CTSD: variants seen among roughly 807,000 people sequenced by gnomAD.
The protein encoded by CTSD is cathepsin D, also known as ceroid-lipofuscinosis, neuronal 10.
CTSD carries 28 observed loss-of-function variants against 43.6 expected under a neutral mutation model. The observed-to-expected ratio is 0.64, with a 90% CI of 0.48 to 0.88. The LOEUF is 0.88. CTSD is among the 40% of genes least tolerant of loss of function. The pLI is 0.00. For missense variants in CTSD, 485 were observed against 555.2 expected (o/e 0.87, Z 1.27); for synonymous variants, 270 against 249.8 (o/e 1.08, Z -0.76).
chr11:1,761,607 G>A, intron 1 of CTSD, 139 bp from the exon 2 acceptor site: 1 of 911,324 alleles, frequency 1.1e-6, no homozygotes, highest in Non-Finnish European at 1.7e-6. Flanking sequence ...CCTGTCACCT[G>A]GAAACTGCTG....
chr11:1,759,596 C>T lies in CTSD; in HGVS notation c.272G>A (p.Cys91Tyr). ...GEIGIGTPPQ[C>Y]FTVVFDTGSS... is the part of the protein sequence containing the mutation. The stretch of plus-strand genomic sequence containing the variant: ...GCCCGTGTCGAAGACGACTGTGAAG[C>T]ACTGGGGGGGCGTCCCGATGCCAAT... Residue 91 changes from cysteine (C) to tyrosine (Y), a missense_variant, in exon 3 of 9, where the codon TGC (cysteine) becomes TAC (tyrosine). Coordinates refer to ENST00000236671, the MANE Select transcript of CTSD (RefSeq NM_001909.5). 1 of 1,613,548 alleles carries T rather than the reference C, an allele frequency of 6.2e-7. No homozygotes were observed. Among genetic ancestry groups the T allele is most frequent in the Non-Finnish European group, 8.5e-7 (1 of 1,179,980 alleles).
intron 6 of CTSD, 53 bp from the exon 7 acceptor site, chr11:1,754,191 G>GGCCCAGTGCCCCTCCCTGGGA (rs1331604533): frequency 6.3e-7 from 1 of 1,580,322 alleles, no homozygotes; most frequent in Non-Finnish European, 8.6e-7. Context: ...GTGCCCTGGG[G>GGCCCAGTGCCCCTCCCTGGGA]GCCCAGTGCC....
chr11:1,754,516 A>AGGGATGGAG (rs1383187581), intron 6 of CTSD, among the ~76,000 whole-genome samples: 5 of 32,636 alleles, frequency 1.5e-4, no homozygotes, highest in African/African-American at 5.3e-4. Flanking sequence ...GGAGGGATGG[A>AGGGATGGAG]GGGATGGAGG....
chr11:1,763,613 G>C, intron 1 of CTSD, 179 bp downstream of exon 1: 1 of 560,496 alleles, frequency 1.8e-6, no homozygotes, highest in East Asian at 3.5e-5. Flanking sequence ...CCGGAGCCCG[G>C]CGCCCCGTAG....
intron 4 of CTSD, chr11:1,757,927 G>A (rs891747783): frequency 1.2e-5 from 4 of 341,882 alleles, no homozygotes; most frequent in Middle Eastern, 9.6e-4. Context: ...CCAGGAGCCC[G>A]AGAGATGGGG....
Position 1,753,028 on chromosome 11 carries a change from G to A in CTSD, c.*475C>T. On this transcript the variant is annotated 3_prime_UTR_variant, in exon 9 of 9. Coordinates refer to ENST00000236671, the MANE Select transcript of CTSD (RefSeq NM_001909.5). The stretch of plus-strand genomic sequence containing the variant: ...CTCAACGGGCCCGGGACACTGAACA[G>A]GTAGGGTGGCAGAGCCCAGCTGGGC... 3.5e-6 allele frequency: 1 copy of A among 282,798 alleles called. No homozygotes were observed. The highest frequency in any genetic ancestry group is 7.0e-6 in the Non-Finnish European group (1 of 143,270). The allele number at this position is 282,798 out of a possible 1,614,324, so 17.5% of individuals were successfully genotyped here.
chr11:1,757,383 G>C lies in CTSD; in HGVS notation c.645C>G (p.Phe215Leu). The change falls in exon 5 of 9, where the codon TTC (phenylalanine) becomes TTG (leucine). Residue 215 changes from phenylalanine (F) to leucine (L), a missense_variant. By Grantham distance (22) the Phe-to-Leu change is conservative. Coordinates refer to ENST00000236671, the MANE Select transcript of CTSD (RefSeq NM_001909.5). ...RISVNNVLPV[F>L]DNLMQQKLVD... ...CCAGCTTCTGCTGCATCAGGTTGTC[G>C]AAGACGGGCAGCACGTTGTTGACGG... 6.2e-7 allele frequency: 1 copy of C among 1,614,184 alleles called. No individual in the cohort carries two copies. The highest frequency in any genetic ancestry group is 8.5e-7 in the Non-Finnish European group (1 of 1,180,042).
chr11:1,753,149 G>A lies in CTSD; in HGVS notation c.*354C>T, dbSNP rs556470768. 122 of 366,590 alleles carry A rather than the reference G, an allele frequency of 3.3e-4. No homozygotes were observed. The highest frequency in any genetic ancestry group is 5.8e-5 in the Non-Finnish European group (11 of 190,008). 22.7% of individuals were successfully genotyped at this position (366,590 alleles called of 1,614,324 possible). ...GGGGTAGGGGCTCAGCCCAGCGGGC[G>A]CTGGTAGGGCCGGGGAGGGGACTCC... On this transcript the variant is annotated 3_prime_UTR_variant, in exon 9 of 9. Transcript: ENST00000236671.
chr11:1,760,675 A>G, intron 2 of CTSD: 1 of 156,496 alleles, frequency 6.4e-6, no homozygotes, highest in Non-Finnish European at 1.4e-5. Flanking sequence ...CCCCTGGCCC[A>G]GTCACATGCC....
intron 4 of CTSD, among the ~76,000 whole-genome samples, chr11:1,758,569 G>A (rs1845836860): frequency 6.6e-6 from 1 of 152,068 alleles, no homozygotes; most frequent in South Asian, 2.1e-4. Context: ...CCCCACAGCG[G>A]GTTCCTGGTA....
At chr11:1,753,695 C>CCCA (rs778619975) in intron 8 of CTSD, 25 bp from the exon 9 acceptor site, 1 of 1,612,054 alleles carries the variant, frequency 6.2e-7, no homozygotes, top group Admixed American at 1.7e-5. Context: ...GTGGTCAGTA[C>CCCA]CCAGGCCTAG....
At chr11:1,756,573 C>T (rs545488000) in intron 5 of CTSD, among the ~76,000 whole-genome samples, 1 of 152,330 alleles carries the variant, frequency 6.6e-6, no homozygotes, top group Non-Finnish European at 1.5e-5. Context: ...GGGCAGGAGG[C>T]CGCCGGCTGA....
intron 1 of CTSD, chr11:1,762,037 A>C: frequency 5.6e-6 from 1 of 179,884 alleles, no homozygotes; most frequent in Non-Finnish European, 1.2e-5. Flanking sequence ...CCTCCACACC[A>C]CCTCCAGAAG....
chr11:1,762,560 G>A (rs1454637383), intron 1 of CTSD: 1 of 152,280 alleles, frequency 6.6e-6, no homozygotes, highest in Non-Finnish European at 1.5e-5. Context: ...CTAAGAGCTG[G>A]TGGGCTGGAA....
intron 2 of CTSD, among the ~76,000 whole-genome samples, chr11:1,760,103 T>A (rs1845857187): frequency 6.6e-6 from 1 of 152,158 alleles, no homozygotes; most frequent in African/African-American, 2.4e-5. Context: ...ATTCTGGGTG[T>A]CTCAGTGCCT....
Position 1,759,610 on chromosome 11 carries a change from C to T in CTSD, c.258G>A (p.Gly86=). 1.2e-6 allele frequency: 2 copies of T among 1,613,442 alleles called. No individual in the cohort carries two copies. Among genetic ancestry groups the T allele is most frequent in the Non-Finnish European group, 8.5e-7 (1 of 1,179,944 alleles). ...CGACTGTGAAGCACTGGGGGGGCGT[C>T]CCGATGCCAATCTCCCCGTAGTACT... ...DAQYYGEIGI[G]TPPQCFTVVF... Residue 86 remains glycine, a synonymous_variant, in exon 3 of 9, where the codon GGG becomes GGA. Transcript: ENST00000236671.
At chr11:1,760,805 C>A (rs992117962) in intron 2 of CTSD, 1 of 206,880 alleles carries the variant, frequency 4.8e-6, no homozygotes, top group African/African-American at 2.3e-5. Context: ...TCGAACTGAC[C>A]CCATAGAGCT....
intron 5 of CTSD, among the ~76,000 whole-genome samples, 178 bp downstream of exon 5, chr11:1,757,146 A>G (rs1845819388): frequency 6.6e-6 from 1 of 151,906 alleles, no homozygotes; most frequent in South Asian, 2.1e-4. Context: ...GCTGCCGCTT[A>G]CTCCTCTGCA....
Position 1,753,981 on chromosome 11 carries a change from C to G in CTSD, c.972+13G>C, listed in dbSNP as rs913538989. 1 of 1,606,156 alleles carries G rather than the reference C, an allele frequency of 6.2e-7. No individual in the cohort carries two copies. The highest frequency in any genetic ancestry group is 8.5e-7 in the Non-Finnish European group (1 of 1,177,290). Reference sequence around the variant, plus strand: ...TGCCAGCCCCAGCCCCAGCCCCAGCCCCCGGCGCTCACCTCGCCCTGAATC... The same window carrying G: ...TGCCAGCCCCAGCCCCAGCCCCAGCGCCCGGCGCTCACCTCGCCCTGAATC... On this transcript the variant is annotated intron_variant, in intron 7 of 8. Transcript: ENST00000236671.
Sources: gnomAD v4.1 joint callset for allele counts (sites outside exome capture counted in the v4.1 genomes callset) on GRCh38, gnomAD v4.1.1 for gene constraint, MANE v1.5 for transcripts, NCBI Gene and HGNC (gene_info 2026-07-23, HGNC 2026-07-21) for gene names.